SHISA6: variants seen among roughly 807,000 people sequenced by gnomAD.
SHISA6 encodes shisa family member 6.
In SHISA6, 22 loss-of-function variants were observed where a neutral mutation model predicts 47.9. That is an observed-to-expected ratio of 0.46 (90% CI 0.33 to 0.66). The LOEUF (loss-of-function observed/expected upper bound fraction) is 0.66. Among genes scored for constraint, SHISA6 ranks in the 30% least tolerant of loss-of-function variants. SHISA6 has a pLI of 0.02. For synonymous variants in SHISA6, 388 were observed against 337.8 expected, an observed-to-expected ratio of 1.15 and a Z score of -1.63; for missense variants, 680 against 764.6, an observed-to-expected ratio of 0.89 and a Z score of 1.30.
chr17:11,485,576 C>T (rs561102846), intron 3 of SHISA6, among the ~76,000 whole-genome samples: 13 of 152,226 alleles, frequency 8.5e-5, no homozygotes, highest in African/African-American at 2.9e-4. Context: ...CTCTGGCCAA[C>T]GTAGACGGCC....
intron 3 of SHISA6, among the ~76,000 whole-genome samples, chr17:11,506,087 A>AT (rs1239751594): frequency 6.6e-6 from 1 of 152,214 alleles, no homozygotes; most frequent in Non-Finnish European, 1.5e-5. Flanking sequence ...GGAACAATGC[A>AT]TATCCACGGG....
At chr17:11,508,258 ATT>A (rs1372879076) in intron 3 of SHISA6, among the ~76,000 whole-genome samples, 1 of 152,148 alleles carries the variant, frequency 6.6e-6, no homozygotes, top group Non-Finnish European at 1.5e-5. Context: ...ACACAGATTT[ATT>A]TCTCACTGTT....
chr17:11,481,334 A>ATG (rs1227000769), intron 3 of SHISA6, among the ~76,000 whole-genome samples: 10 of 94,722 alleles, frequency 1.1e-4, no homozygotes, highest in Non-Finnish European at 4.1e-5. Flanking sequence ...CAAAAAATAT[A>ATG]TATGTGTGTG....
At chr17:11,554,800 C>G (rs1391867027) in intron 4 of SHISA6, among the ~76,000 whole-genome samples, 6 of 152,042 alleles carry the variant, frequency 3.9e-5, no homozygotes, top group Admixed American at 3.9e-4. Flanking sequence ...CCAGCTCTTT[C>G]TGTCCCCTCA....
chr17:11,515,909 C>T (rs1597563266), intron 3 of SHISA6, among the ~76,000 whole-genome samples: 1 of 152,174 alleles, frequency 6.6e-6, no homozygotes, highest in East Asian at 1.9e-4. Flanking sequence ...TCTGCTCTGG[C>T]TGTGAGCTTT....
chr17:11,279,648 TCAAA>T (rs1909052554), intron 2 of SHISA6, among the ~76,000 whole-genome samples: 2 of 152,074 alleles, frequency 1.3e-5, no homozygotes, highest in African/African-American at 4.8e-5. Context: ...TTGTTCAAGG[TCAAA>T]CAGTTTCTTG....
intron 3 of SHISA6, among the ~76,000 whole-genome samples, chr17:11,500,025 T>C (rs1336025067): frequency 1.3e-5 from 2 of 152,182 alleles, no homozygotes; most frequent in African/African-American, 2.4e-5. Flanking sequence ...ATAATGGCTA[T>C]GAGCATCAGC....
intron 2 of SHISA6, among the ~76,000 whole-genome samples, chr17:11,308,317 A>G (rs768372679): frequency 6.6e-6 from 1 of 152,244 alleles, no homozygotes; most frequent in African/African-American, 2.4e-5. Flanking sequence ...CCAGAATTCC[A>G]TCAGGGTGAT....
chr17:11,468,267 C>T (rs1309271545), intron 3 of SHISA6, among the ~76,000 whole-genome samples: 5 of 151,904 alleles, frequency 3.3e-5, no homozygotes, highest in African/African-American at 7.3e-5. Context: ...TTCTCTCTCC[C>T]GTCCTAAAGT....
chr17:11,277,268 TCTCTCTCTCTCTCACACACACACA>T (rs1908942372), intron 2 of SHISA6, among the ~76,000 whole-genome samples: 1 of 110,822 alleles, frequency 9.0e-6, no homozygotes, highest in African/African-American at 3.6e-5. Context: ...TCTCTCTCTC[TCTCTCTCTCTCTCACACACACACA>T]CACACACACA....
intron 3 of SHISA6, among the ~76,000 whole-genome samples, chr17:11,546,006 G>A (rs950519032): frequency 6.6e-5 from 10 of 152,216 alleles, no homozygotes; most frequent in African/African-American, 2.4e-4. Flanking sequence ...CAGTTACAAG[G>A]AGCAGCAGGA....
rs556822910 is a variant in SHISA6 at position 11,538,738 on chromosome 17, TAGAGTTTA to T, written c.896-13156_896-13149del. Among the ~76,000 whole-genome samples, 1,070 of 152,276 alleles carry T rather than the reference TAGAGTTTA, an allele frequency of 7.0e-3. 2 individuals are homozygous for T. The highest frequency in any genetic ancestry group is 0.011 in the Non-Finnish European group (715 of 68,018). ...TTCCTCATGTAATTCTTAAGTACAC[TAGAGTTTA>T]AAACTCGTTGGCCTTAAGCATCTAA... On this transcript the variant is annotated intron_variant, in intron 3 of 5. Coordinates refer to ENST00000441885, the MANE Select transcript of SHISA6 (RefSeq NM_207386.4).
intron 2 of SHISA6, among the ~76,000 whole-genome samples, chr17:11,314,115 C>A (rs1910426706): frequency 1.3e-5 from 2 of 152,132 alleles, no homozygotes; most frequent in African/African-American, 2.4e-5. Context: ...AACTGACAGA[C>A]TATGCCCTTG....
At chr17:11,524,444 TATAG>T (rs1362793195) in intron 3 of SHISA6, among the ~76,000 whole-genome samples, 1 of 152,054 alleles carries the variant, frequency 6.6e-6, no homozygotes, top group Non-Finnish European at 1.5e-5. Context: ...GTAGTGGGCT[TATAG>T]ATAATTTTAT....
chr17:11,470,846 G>C (rs1230293251), intron 3 of SHISA6, among the ~76,000 whole-genome samples: 2 of 152,128 alleles, frequency 1.3e-5, no homozygotes, highest in African/African-American at 4.8e-5. Flanking sequence ...TAGGTTAGGG[G>C]GACTAACAAG....
At chr17:11,486,199 G>T (rs149317258) in intron 3 of SHISA6, among the ~76,000 whole-genome samples, 1 of 152,136 alleles carries the variant, frequency 6.6e-6, no homozygotes, top group Non-Finnish European at 1.5e-5. Flanking sequence ...TCCACGTGGC[G>T]CTGTGTGCTC....
chr17:11,493,982 AGGT>A (rs2071387932), intron 3 of SHISA6, among the ~76,000 whole-genome samples: 1 of 151,224 alleles, frequency 6.6e-6, no homozygotes, highest in Non-Finnish European at 1.5e-5. Context: ...TTCACTGGAG[AGGT>A]GGTGATTAAA....
At chr17:11,349,430 C>A (rs756612426) in intron 2 of SHISA6, among the ~76,000 whole-genome samples, 1 of 152,194 alleles carries the variant, frequency 6.6e-6, no homozygotes, top group Non-Finnish European at 1.5e-5. Context: ...TATTTGACAT[C>A]GTTTTCTGTG....
At chr17:11,499,698 T>TTTG (rs1555540217) in intron 3 of SHISA6, among the ~76,000 whole-genome samples, 5 of 146,604 alleles carry the variant, frequency 3.4e-5, no homozygotes, top group Admixed American at 1.3e-4. Flanking sequence ...TTTTTTTTTT[T>TTTG]TTGTTGTTGT....
Sources: gnomAD v4.1 joint callset for allele counts (sites outside exome capture counted in the v4.1 genomes callset) on GRCh38, gnomAD v4.1.1 for gene constraint, MANE v1.5 for transcripts, NCBI Gene and HGNC (gene_info 2026-07-23, HGNC 2026-07-21) for gene names.